INTS9: variants seen among roughly 807,000 people sequenced by gnomAD.
The protein encoded by INTS9 is integrator complex subunit 9, also known as protein related to CPSF subunits of 74 kDa.
Under a neutral mutation model 79.7 loss-of-function variants are expected in INTS9, and 55 were observed. The observed-to-expected ratio is 0.69, with a 90% CI of 0.56 to 0.86. INTS9 has a LOEUF of 0.86. Ranked by LOEUF, INTS9 falls within the 40% of genes least tolerant of loss-of-function variation. The probability of loss-of-function intolerance (pLI) is 0.00; values close to 1 mark genes in which losing one functional copy is unlikely to be tolerated. For missense variants in INTS9, 721 were observed against 831.5 expected, an observed-to-expected ratio of 0.87 and a Z score of 1.64; for synonymous variants, 319 against 325.2, an observed-to-expected ratio of 0.98 and a Z score of 0.20.
chr8:28,792,860 C>T lies in INTS9; in HGVS notation c.1037+947G>A, dbSNP rs1047767734. Among the ~76,000 whole-genome samples, 16 of 149,156 alleles carry T rather than the reference C, an allele frequency of 1.1e-4. 1 individual carries two copies. In the East Asian group the frequency reaches 1.4e-3, roughly 13 times the overall value. ...CCCAGGAGGCGGAGGTTGCAGTGAG[C>T]GGAGATTGTGCCACTGTACTCCAGC... On this transcript the variant is annotated intron_variant, in intron 10 of 16. Coordinates refer to ENST00000521022, the MANE Select transcript of INTS9 (RefSeq NM_018250.4).
At chr8:28,813,080 G>A (rs1805245252) in intron 7 of INTS9, among the ~76,000 whole-genome samples, 1 of 152,146 alleles carries the variant, frequency 6.6e-6, no homozygotes, top group South Asian at 2.1e-4. Flanking sequence ...TTCATTTTCA[G>A]TTAGGTGTTA....
chr8:28,819,968 T>C (rs947287609), intron 6 of INTS9, among the ~76,000 whole-genome samples: 5 of 152,226 alleles, frequency 3.3e-5, no homozygotes, highest in Non-Finnish European at 7.3e-5. Flanking sequence ...GAGACAAGGA[T>C]TGCAACCCCT....
intron 2 of INTS9, among the ~76,000 whole-genome samples, chr8:28,855,693 C>T (rs1209508956): frequency 6.6e-6 from 1 of 152,172 alleles, no homozygotes; most frequent in Non-Finnish European, 1.5e-5. Context: ...CCATTTTTCT[C>T]TTTTGCTATA....
chr8:28,779,866 C>T (rs1177036304), intron 12 of INTS9, among the ~76,000 whole-genome samples: 1 of 152,058 alleles, frequency 6.6e-6, no homozygotes. Context: ...GGATTCCCAG[C>T]TCCTAAAGCT....
intron 6 of INTS9, among the ~76,000 whole-genome samples, chr8:28,830,200 A>G (rs1177155220): frequency 6.6e-6 from 1 of 152,228 alleles, no homozygotes; most frequent in Non-Finnish European, 1.5e-5. Flanking sequence ...CTAGCTTGTG[A>G]TAGAGATAAA....
chr8:28,773,425 A>C (rs1427324565), intron 14 of INTS9, among the ~76,000 whole-genome samples: 10 of 148,530 alleles, frequency 6.7e-5, no homozygotes, highest in East Asian at 6.1e-4. Context: ...GATCGCGCCA[A>C]TGCACTCCAG....
intron 16 of INTS9, among the ~76,000 whole-genome samples, chr8:28,769,256 C>G (rs1274811203): frequency 2.0e-5 from 3 of 152,230 alleles, no homozygotes; most frequent in Non-Finnish European, 4.4e-5. Flanking sequence ...TAATTTGTTG[C>G]AGTTCTTGCA....
At chr8:28,782,645 A>G (rs1456052651) in intron 11 of INTS9, among the ~76,000 whole-genome samples, 2 of 152,256 alleles carry the variant, frequency 1.3e-5, no homozygotes, top group Non-Finnish European at 2.9e-5. Context: ...GCTAGGCACA[A>G]TGGCTTACGC....
At chr8:28,800,027 G>A (rs1331696148) in intron 8 of INTS9, among the ~76,000 whole-genome samples, 1 of 152,128 alleles carries the variant, frequency 6.6e-6, no homozygotes, top group Non-Finnish European at 1.5e-5. Context: ...CCTTTAATAT[G>A]TGCCCTGGGG....
At chr8:28,794,019 A>G in intron 9 of INTS9, 32 bp from the exon 10 acceptor site, 2 of 1,496,822 alleles carry the variant, frequency 1.3e-6, no homozygotes, top group East Asian at 2.3e-5. Flanking sequence ...GAGAAAAAAC[A>G]TCATATCAAA....
rs1810256966 is a variant in INTS9, at chr8:28,888,042, T to A, written c.9+1832A>T. The stretch of plus-strand genomic sequence containing the variant: ...ACTGAACACATTAAATATAATTTGC[T>A]CTTTATTGAGAACACAGGGTCCATG... On this transcript the variant is annotated intron_variant, in intron 1 of 16. Coordinates refer to ENST00000521022, the MANE Select transcript of INTS9 (RefSeq NM_018250.4). Among the ~76,000 whole-genome samples, 6 of 152,198 alleles carry A rather than the reference T, an allele frequency of 3.9e-5. No individual in the cohort carries two copies. In the South Asian group the frequency reaches 1.2e-3, roughly 32 times the overall value.
At chr8:28,821,294 G>A (rs1805813090) in intron 6 of INTS9, among the ~76,000 whole-genome samples, 1 of 152,162 alleles carries the variant, frequency 6.6e-6, no homozygotes. Flanking sequence ...GGTGGGAGGT[G>A]AAAGATACTT....
intron 9 of INTS9, among the ~76,000 whole-genome samples, chr8:28,795,438 G>A (rs959391248): frequency 6.6e-6 from 1 of 151,874 alleles, no homozygotes; most frequent in African/African-American, 2.4e-5. Flanking sequence ...TCAGGAGTTC[G>A]AGACCAGATG....
At chr8:28,850,962 A>C (rs1807795825) in intron 2 of INTS9, among the ~76,000 whole-genome samples, 1 of 152,254 alleles carries the variant, frequency 6.6e-6, no homozygotes, top group African/African-American at 2.4e-5. Context: ...TGCTACTAGT[A>C]ATCTCAAGAT....
At chr8:28,840,360 C>T (rs1371473908) in intron 4 of INTS9, among the ~76,000 whole-genome samples, 1 of 147,848 alleles carries the variant, frequency 6.8e-6, no homozygotes, top group Non-Finnish European at 1.5e-5. Flanking sequence ...TAAACTAGTT[C>T]AACCATTGTG....
Position 28,875,044 on chromosome 8 carries a change from T to C in INTS9, c.9+14830A>G, listed in dbSNP as rs574669350. Among the ~76,000 whole-genome samples, 127 of 152,224 alleles carry C rather than the reference T, an allele frequency of 8.3e-4. 1 individual carries two copies. Among genetic ancestry groups the C allele is most frequent in the Admixed American group, 4.4e-3 (68 of 15,290 alleles). ...AGGGAGACTCCCTTTTTTAAAACCA[T>C]CAGATCTTGTGAGACACATTTGCTA... is the stretch of plus-strand genomic sequence containing the variant. On this transcript the variant is annotated intron_variant, in intron 1 of 16. Transcript: ENST00000521022.
At position 28,781,884 on chromosome 8, in the gene INTS9, T is replaced by C. The variant is rs147640540; in HGVS notation, c.1099-890A>G. 4.2e-3 allele frequency among the ~76,000 whole-genome samples: 645 copies of C among 152,138 alleles called. 7 individuals are homozygous for C. The highest frequency in any genetic ancestry group is 0.014 in the African/African-American group (584 of 41,514). Reference sequence around the variant, plus strand: ...GTCACTGTTCATTTGTTCAAAACCATAGAAAGCACAACGCCAAGGGAACCC... The same window carrying C: ...GTCACTGTTCATTTGTTCAAAACCACAGAAAGCACAACGCCAAGGGAACCC... On this transcript the variant is annotated intron_variant, in intron 11 of 16. Coordinates refer to ENST00000521022, the MANE Select transcript of INTS9 (RefSeq NM_018250.4).
intron 11 of INTS9, among the ~76,000 whole-genome samples, chr8:28,787,280 G>A (rs967510144): frequency 5.3e-5 from 8 of 152,120 alleles, no homozygotes; most frequent in South Asian, 4.1e-4. Flanking sequence ...TGTTATTTTC[G>A]TCACTAAAAA....
At chr8:28,786,879 G>A (rs1431702958) in intron 11 of INTS9, among the ~76,000 whole-genome samples, 1 of 152,054 alleles carries the variant, frequency 6.6e-6, no homozygotes, top group Non-Finnish European at 1.5e-5. Flanking sequence ...CACCACGCCT[G>A]GCTAATTTTT....
Sources: gnomAD v4.1 joint callset for allele counts (sites outside exome capture counted in the v4.1 genomes callset) on GRCh38, gnomAD v4.1.1 for gene constraint, MANE v1.5 for transcripts, NCBI Gene and HGNC (gene_info 2026-07-23, HGNC 2026-07-21) for gene names.